Variants in TBC1D8 observed in about 807,000 individuals in gnomAD.
TBC1D8 encodes TBC1 domain family member 8.
TBC1D8 carries 65 observed loss-of-function variants against 118.8 expected under a neutral mutation model. That is an observed-to-expected ratio of 0.55 (90% CI 0.45 to 0.67). The LOEUF (loss-of-function observed/expected upper bound fraction) is 0.67. TBC1D8 is among the 30% of genes least tolerant of loss of function. TBC1D8 has a pLI of 0.00. For synonymous variants in TBC1D8, 566 were observed against 595.8 expected, an observed-to-expected ratio of 0.95 and a Z score of 0.73; for missense variants, 1,376 against 1,471.2, an observed-to-expected ratio of 0.94 and a Z score of 1.06.
chr2:101,058,279 C>T (rs1050450599), intron 3 of TBC1D8, among the ~76,000 whole-genome samples: 1 of 152,270 alleles, frequency 6.6e-6, no homozygotes, highest in East Asian at 1.9e-4. Flanking sequence ...CCACAAGTAA[C>T]CCCCAGTCCC....
At chr2:101,008,803 C>CTT (rs1412684488) in intron 19 of TBC1D8, among the ~76,000 whole-genome samples, 4 of 145,456 alleles carry the variant, frequency 2.7e-5, no homozygotes, top group Admixed American at 6.8e-5. Flanking sequence ...AAGAGTAAAA[C>CTT]TTTGTCTTAA....
chr2:101,111,810 G>T (rs957364169), intron 1 of TBC1D8, among the ~76,000 whole-genome samples: 4 of 152,050 alleles, frequency 2.6e-5, no homozygotes, highest in African/African-American at 9.7e-5. Flanking sequence ...TCCTGAAGAT[G>T]TCTGGTGGTG....
chr2:101,114,037 AG>A (rs1311193665), intron 1 of TBC1D8, among the ~76,000 whole-genome samples: 1 of 152,206 alleles, frequency 6.6e-6, no homozygotes, highest in East Asian at 1.9e-4. Flanking sequence ...ATCTTCCCCT[AG>A]GGGAAGGATG....
intron 1 of TBC1D8, among the ~76,000 whole-genome samples, chr2:101,149,617 G>A (rs1038359182): frequency 2.6e-5 from 4 of 152,158 alleles, no homozygotes; most frequent in Non-Finnish European, 5.9e-5. Context: ...AACATTTATA[G>A]ACCAGGAACC....
At chr2:101,131,476 G>A (rs760460591) in intron 1 of TBC1D8, among the ~76,000 whole-genome samples, 4 of 149,196 alleles carry the variant, frequency 2.7e-5, no homozygotes, top group African/African-American at 5.0e-5. Flanking sequence ...GTGCGCTATT[G>A]CAGTTCAGCC....
Position 101,007,759 on chromosome 2 carries a change from G to A in TBC1D8, c.*62C>T. The A allele has an allele frequency of 1.3e-6, 2 of 1,528,734 alleles. No individual in the cohort carries two copies. Among genetic ancestry groups the A allele is most frequent in the Non-Finnish European group, 1.8e-6 (2 of 1,121,846 alleles). The allele number at this position is 1,528,734 out of a possible 1,614,324, so 94.7% of individuals were successfully genotyped here. A position where few individuals can be genotyped will look rare whatever the true frequency, so the allele number is the denominator to read the frequency against. On this transcript the variant is annotated 3_prime_UTR_variant, in exon 20 of 20. Transcript: ENST00000409318. ...AATCTCGGTTTAGGGCTGACCCCAA[G>A]AAACAGTCTGGTTCGTGCTTTGGTA...
intron 5 of TBC1D8, 48 bp from the exon 6 acceptor site, chr2:101,040,433 G>A: frequency 6.6e-7 from 1 of 1,504,822 alleles, no homozygotes; most frequent in Non-Finnish European, 9.0e-7. Context: ...AAGGTGAATG[G>A]ACAGCCAAGA....
rs189907725 is a variant in TBC1D8, at chr2:101,038,063, A to T, written c.1276-355T>A. Among the ~76,000 whole-genome samples, 567 of 152,134 alleles carry T rather than the reference A, an allele frequency of 3.7e-3. 1 individual carries two copies. The highest frequency in any genetic ancestry group is 6.8e-3 in the Non-Finnish European group (463 of 67,986). On this transcript the variant is annotated intron_variant, in intron 7 of 19. Coordinates refer to ENST00000409318, the MANE Select transcript of TBC1D8 (RefSeq NM_001330348.2). ...TGCACCTCCTTTTCTCCCCATCACT[A>T]TTTTGGGTGAAAAGAGGTTGAGAAA... is the stretch of plus-strand genomic sequence containing the variant.
chr2:101,019,194 C>T (rs1679875560), intron 17 of TBC1D8: 1 of 912,970 alleles, frequency 1.1e-6, no homozygotes, highest in Non-Finnish European at 1.6e-6. Context: ...GCCGGGGTTT[C>T]AACAAGGTAC....
At chr2:101,065,014 A>G (rs1682943437) in intron 2 of TBC1D8, among the ~76,000 whole-genome samples, 1 of 152,152 alleles carries the variant, frequency 6.6e-6, no homozygotes, top group Non-Finnish European at 1.5e-5. Context: ...GCTGAGTCAC[A>G]CTGAAACGCA....
At chr2:101,054,944 A>G (rs1682330830) in intron 3 of TBC1D8, among the ~76,000 whole-genome samples, 1 of 151,612 alleles carries the variant, frequency 6.6e-6, no homozygotes, top group African/African-American at 2.4e-5. Context: ...AGCCTCCCAA[A>G]GTGCTGGGAT....
intron 1 of TBC1D8, among the ~76,000 whole-genome samples, chr2:101,102,537 C>CAAA (rs145368622): frequency 1.4e-5 from 2 of 138,420 alleles, no homozygotes; most frequent in African/African-American, 2.7e-5. Context: ...GATTAAAAAC[C>CAAA]AAAAAAAAAA....
chr2:101,011,988 G>A (rs966619797), intron 17 of TBC1D8, among the ~76,000 whole-genome samples: 1 of 152,178 alleles, frequency 6.6e-6, no homozygotes, highest in African/African-American at 2.4e-5. Context: ...ACATACTGCT[G>A]TACTTACACG....
At chr2:101,015,043 CA>C (rs1310472071) in intron 17 of TBC1D8, among the ~76,000 whole-genome samples, 1 of 152,022 alleles carries the variant, frequency 6.6e-6, no homozygotes, top group Non-Finnish European at 1.5e-5. Context: ...TGTCATTGTG[CA>C]AACATCATAC....
chr2:101,143,538 GGT>G (rs1679202185), intron 1 of TBC1D8, among the ~76,000 whole-genome samples: 9 of 152,116 alleles, frequency 5.9e-5, no homozygotes, highest in Non-Finnish European at 1.2e-4. Flanking sequence ...TTTACATCAA[GGT>G]TACCAATAGG....
chr2:101,010,991 T>A lies in TBC1D8; in HGVS notation c.2953A>T (p.Met985Leu). 1 of 1,613,074 alleles carries A rather than the reference T, an allele frequency of 6.2e-7. No homozygotes were observed. The highest frequency in any genetic ancestry group is 8.5e-7 in the Non-Finnish European group (1 of 1,179,870). ...AVDYQKQLKQ[M>L]IKDLAKEKDK... Reference sequence around the variant, plus strand: ...TTTTCTTTGGCTAAATCCTTAATCATCTGCTTCAGCTGTTTCTGATAATCA... The same window carrying A: ...TTTTCTTTGGCTAAATCCTTAATCAACTGCTTCAGCTGTTTCTGATAATCA... Residue 985 changes from methionine (M) to leucine (L), a missense_variant, in exon 19 of 20, where the codon ATG becomes TTG. Coordinates refer to ENST00000409318, the MANE Select transcript of TBC1D8 (RefSeq NM_001330348.2).
At chr2:101,128,907 G>A (rs1678465272) in intron 1 of TBC1D8, among the ~76,000 whole-genome samples, 1 of 151,154 alleles carries the variant, frequency 6.6e-6, no homozygotes, top group South Asian at 2.1e-4. Flanking sequence ...GTAGAATGAT[G>A]GTTACCATAG....
At chr2:101,151,088 C>T in intron 1 of TBC1D8, 39 bp downstream of exon 1, 2 of 1,006,548 alleles carry the variant, frequency 2.0e-6, no homozygotes, top group Non-Finnish European at 2.4e-6. Context: ...TGCGAGGCCC[C>T]GGGCCCGGCC....
chr2:101,120,096 AC>A (rs1224595637), intron 1 of TBC1D8, among the ~76,000 whole-genome samples: 1 of 152,028 alleles, frequency 6.6e-6, no homozygotes, highest in Non-Finnish European at 1.5e-5. Flanking sequence ...ACCACCACCA[AC>A]ACCGAGGTGG....
Sources: gnomAD v4.1 joint callset for allele counts (sites outside exome capture counted in the v4.1 genomes callset) on GRCh38, gnomAD v4.1.1 for gene constraint, MANE v1.5 for transcripts, NCBI Gene and HGNC (gene_info 2026-07-23, HGNC 2026-07-21) for gene names.